Variants in CPEB3 observed in about 807,000 individuals in gnomAD.
CPEB3 encodes cytoplasmic polyadenylation element binding protein 3.
CPEB3 carries 20 observed loss-of-function variants against 67.2 expected under a neutral mutation model. The ratio of observed to expected loss-of-function variants is 0.30; its 90% CI spans 0.21 to 0.43. CPEB3 has a LOEUF of 0.43. CPEB3 is among the 20% of genes least tolerant of loss of function. The pLI is 1.00. For missense variants in CPEB3, 746 were observed against 968.6 expected, an observed-to-expected ratio of 0.77 and a Z score of 3.05; for synonymous variants, 376 against 393.1, an observed-to-expected ratio of 0.96 and a Z score of 0.51.
intron 1 of CPEB3, among the ~76,000 whole-genome samples, chr10:92,270,610 T>C (rs1347487204): frequency 4.7e-5 from 7 of 149,240 alleles, no homozygotes; most frequent in African/African-American, 1.7e-4. Flanking sequence ...TTGCCCAGGC[T>C]AGAGTGCAGT....
chr10:92,287,124 T>G (rs116145187), intron 1 of CPEB3, among the ~76,000 whole-genome samples: 2,086 of 150,648 alleles, frequency 0.014, 40 homozygotes, highest in African/African-American at 0.048. Flanking sequence ...GAATATCATT[T>G]ATCATAGACT....
intron 1 of CPEB3, among the ~76,000 whole-genome samples, chr10:92,258,067 CT>C (rs1015733906): frequency 6.6e-6 from 1 of 151,322 alleles, no homozygotes; most frequent in East Asian, 1.9e-4. Context: ...TATTAAGTCC[CT>C]TTTAACATCC....
chr10:92,257,009 T>C (rs1225618918), intron 1 of CPEB3, among the ~76,000 whole-genome samples: 1 of 152,242 alleles, frequency 6.6e-6, no homozygotes, highest in Non-Finnish European at 1.5e-5. Flanking sequence ...TCCCAATTTG[T>C]TGAAATGTAA....
chr10:92,076,682 T>A (rs833363), intron 9 of CPEB3, among the ~76,000 whole-genome samples: 1 of 152,016 alleles, frequency 6.6e-6, no homozygotes, highest in Non-Finnish European at 1.5e-5. Context: ...CCAAAATGCT[T>A]GGATTATACA....
chr10:92,224,978 T>C (rs184334844), intron 2 of CPEB3, among the ~76,000 whole-genome samples: 5 of 149,614 alleles, frequency 3.3e-5, no homozygotes, highest in Non-Finnish European at 7.4e-5. Flanking sequence ...TTCTTTCTTT[T>C]TTTTTTTTAT....
intron 4 of CPEB3, among the ~76,000 whole-genome samples, chr10:92,162,344 C>T (rs1847527945): frequency 6.6e-6 from 1 of 151,910 alleles, no homozygotes; most frequent in African/African-American, 2.4e-5. Flanking sequence ...CATGGGTGAG[C>T]TCAATTTGTG....
chr10:92,217,929 C>A (rs1850510740), intron 2 of CPEB3, among the ~76,000 whole-genome samples: 1 of 152,124 alleles, frequency 6.6e-6, no homozygotes, highest in African/African-American at 2.4e-5. Flanking sequence ...ACCAGCCTGG[C>A]CAACATGGCA....
intron 2 of CPEB3, among the ~76,000 whole-genome samples, chr10:92,213,017 C>T (rs1850171751): frequency 6.6e-6 from 1 of 152,186 alleles, no homozygotes; most frequent in African/African-American, 2.4e-5. Flanking sequence ...CTTTGGACAG[C>T]ACTGCTATAG....
At chr10:92,215,888 T>C (rs1283637584) in intron 2 of CPEB3, among the ~76,000 whole-genome samples, 1 of 150,524 alleles carries the variant, frequency 6.6e-6, no homozygotes, top group Non-Finnish European at 1.5e-5. Flanking sequence ...AGGCTGGAAC[T>C]ACAGGTGCGT....
At chr10:92,128,982 A>G (rs1373712983) in intron 6 of CPEB3, among the ~76,000 whole-genome samples, 1 of 152,234 alleles carries the variant, frequency 6.6e-6, no homozygotes, top group African/African-American at 2.4e-5. Context: ...CAGCAAACCC[A>G]TTACTGGGTA....
At chr10:92,102,677 A>G (rs2133400654) in intron 7 of CPEB3, among the ~76,000 whole-genome samples, 1 of 152,338 alleles carries the variant, frequency 6.6e-6, no homozygotes, top group Middle Eastern at 3.4e-3. Context: ...ATATCTTTGC[A>G]CTATATTTGA....
At chr10:92,288,236 G>T (rs1163686859) in intron 1 of CPEB3, among the ~76,000 whole-genome samples, 1 of 152,064 alleles carries the variant, frequency 6.6e-6, no homozygotes. Context: ...GAGGTGGGAG[G>T]ATCATTTGTG....
intron 1 of CPEB3, among the ~76,000 whole-genome samples, chr10:92,285,489 T>C (rs1182279764): frequency 6.6e-6 from 1 of 152,176 alleles, no homozygotes; most frequent in African/African-American, 2.4e-5. Context: ...CAGGCTGGTC[T>C]CGAACTCCTG....
chr10:92,098,896 C>T (rs954657431), intron 7 of CPEB3, among the ~76,000 whole-genome samples: 1 of 151,304 alleles, frequency 6.6e-6, no homozygotes, highest in Non-Finnish European at 1.5e-5. Context: ...CTTGGTCTCC[C>T]GAGTAGCTGG....
At chr10:92,225,396 G>T (rs1850919962) in intron 2 of CPEB3, among the ~76,000 whole-genome samples, 1 of 152,144 alleles carries the variant, frequency 6.6e-6, no homozygotes, top group Non-Finnish European at 1.5e-5. Flanking sequence ...AAACAGCTGA[G>T]TATGGTAGCA....
At chr10:92,188,320 T>TA (rs756970118) in intron 3 of CPEB3, among the ~76,000 whole-genome samples, 1,274 of 36,986 alleles carry the variant, frequency 0.034, 76 homozygotes, top group Non-Finnish European at 0.043. Flanking sequence ...TAAGACATAG[T>TA]AAAAAAAAAA....
Position 92,185,778 on chromosome 10 carries a change from C to G in CPEB3, c.1166-4759G>C, listed in dbSNP as rs143739588. Among the ~76,000 whole-genome samples, 476 of 152,258 alleles carry G rather than the reference C, an allele frequency of 3.1e-3. 1 individual carries two copies. The Middle Eastern group carries it at 0.048, about 15-fold the overall frequency. Reference sequence around the variant, plus strand: ...TCTACTGGGTTTTATTTCCCACTAACTTTCTCTATAAAGTTAGAGAGACAT... The same window carrying G: ...TCTACTGGGTTTTATTTCCCACTAAGTTTCTCTATAAAGTTAGAGAGACAT... On this transcript the variant is annotated intron_variant, in intron 3 of 9. Transcript: ENST00000265997.
At chr10:92,208,352 ACAAATTAAC>A (rs564130135) in intron 2 of CPEB3, among the ~76,000 whole-genome samples, 162 of 152,324 alleles carry the variant, frequency 1.1e-3, no homozygotes, top group African/African-American at 3.8e-3. Context: ...ATATTCATAC[ACAAATTAAC>A]CAGATGCTGT....
chr10:92,117,300 G>A (rs1845084059), intron 6 of CPEB3, among the ~76,000 whole-genome samples: 1 of 141,588 alleles, frequency 7.1e-6, no homozygotes, highest in African/African-American at 2.7e-5. Context: ...GGGATTACAG[G>A]CATGAGCCAC....
Sources: allele counts gnomAD v4.1 joint callset (sites outside exome capture counted in the v4.1 genomes callset), GRCh38; gene constraint gnomAD v4.1.1; transcripts MANE v1.5; gene names NCBI Gene and HGNC (gene_info 2026-07-23, HGNC 2026-07-21).